CLEC16A: variants seen among roughly 807,000 people sequenced by gnomAD.
CLEC16A encodes the protein protein CLEC16A.
A neutral mutation model predicts 109.5 loss-of-function variants in CLEC16A; 51 were observed. That is an observed-to-expected ratio of 0.47 (90% CI 0.37 to 0.59). The LOEUF is 0.59. Among genes scored for constraint, CLEC16A ranks in the 20% least tolerant of loss-of-function variants. The probability of loss-of-function intolerance (pLI) is 0.00; values close to 1 mark genes in which losing one functional copy is unlikely to be tolerated. For missense variants in CLEC16A, 1,339 were observed against 1,394.0 expected, an observed-to-expected ratio of 0.96 and a Z score of 0.63; for synonymous variants, 673 against 564.2, an observed-to-expected ratio of 1.19 and a Z score of -2.73.
At chr16:11,169,982 C>T (rs1264207065) in intron 23 of CLEC16A, among the ~76,000 whole-genome samples, 1 of 152,154 alleles carries the variant, frequency 6.6e-6, no homozygotes, top group Non-Finnish European at 1.5e-5. Context: ...CACAGGGGCC[C>T]AGAAAGGCTG....
At chr16:10,995,162 A>G (rs2044254295) in intron 10 of CLEC16A, among the ~76,000 whole-genome samples, 1 of 152,234 alleles carries the variant, frequency 6.6e-6, no homozygotes, top group South Asian at 2.1e-4. Flanking sequence ...GGCTGTTATT[A>G]CCTGGAAAGA....
chr16:11,027,939 G>A (rs371846424), intron 13 of CLEC16A, among the ~76,000 whole-genome samples: 14 of 152,334 alleles, frequency 9.2e-5, no homozygotes, highest in East Asian at 7.7e-4. Context: ...TGTGGCTCAC[G>A]CCCGTAATCC....
intron 21 of CLEC16A, among the ~76,000 whole-genome samples, chr16:11,125,126 C>T (rs534100189): frequency 7.9e-5 from 12 of 152,120 alleles, no homozygotes; most frequent in Non-Finnish European, 1.3e-4. Context: ...TGGGCGTTAC[C>T]GATGCGATGA....
chr16:10,989,211 CGTT>C (rs1218840464), intron 10 of CLEC16A, among the ~76,000 whole-genome samples: 2 of 104,944 alleles, frequency 1.9e-5, no homozygotes, highest in African/African-American at 3.5e-5. Flanking sequence ...ATACTGTTGT[CGTT>C]GTTTTTTGTT....
rs200099634 is a variant in CLEC16A at position 11,178,968 on chromosome 16, C to T, written c.*278C>T. The T allele has an allele frequency of 8.8e-5, 34 of 384,580 alleles. No individual in the cohort carries two copies. The highest frequency in any genetic ancestry group is 1.5e-4 in the Non-Finnish European group (32 of 216,308). The allele number at this position is 384,580 out of a possible 1,614,324, so 23.8% of individuals were successfully genotyped here. ...GCCACTCAGGGAGCTGCCTGGGCTC[C>T]GTGTCTCTGAGCCCCGGGTGGCAGG... is the stretch of plus-strand genomic sequence containing the variant. On this transcript the variant is annotated 3_prime_UTR_variant, in exon 24 of 24. Transcript: ENST00000409790. The surrounding 1 kb of genome is among the most constrained non-coding windows in gnomAD (Gnocchi z 6.5).
At chr16:11,099,882 A>C (rs996197177) in intron 19 of CLEC16A, among the ~76,000 whole-genome samples, 10 of 152,140 alleles carry the variant, frequency 6.6e-5, no homozygotes, top group Non-Finnish European at 1.5e-4. Context: ...AGAGGCCCAG[A>C]GCCTGTGCTG....
intron 19 of CLEC16A, among the ~76,000 whole-genome samples, chr16:11,062,311 T>G (rs2152906945): frequency 6.6e-6 from 1 of 152,278 alleles, no homozygotes; most frequent in East Asian, 1.9e-4. Context: ...TATTAAGATA[T>G]AATTTATATA....
chr16:11,144,339 A>C (rs1006502875), intron 22 of CLEC16A, among the ~76,000 whole-genome samples: 1 of 152,202 alleles, frequency 6.6e-6, no homozygotes. Context: ...TCAGCTCAGC[A>C]TAGCCCTTGG....
At chr16:11,017,008 G>C (rs564617679) in intron 11 of CLEC16A, among the ~76,000 whole-genome samples, 2 of 120,368 alleles carry the variant, frequency 1.7e-5, no homozygotes, top group African/African-American at 6.0e-5. Context: ...GGCGGGGGGG[G>C]GGGTGCTCCT....
At chr16:11,015,224 G>A (rs567148064) in intron 11 of CLEC16A, among the ~76,000 whole-genome samples, 10 of 152,328 alleles carry the variant, frequency 6.6e-5, no homozygotes, top group East Asian at 3.9e-4. Flanking sequence ...GATGAGGACT[G>A]TGAGGTGCAG....
intron 14 of CLEC16A, chr16:11,041,326 G>C (rs1316991667): frequency 6.6e-6 from 1 of 152,246 alleles, no homozygotes; most frequent in Non-Finnish European, 1.5e-5. Flanking sequence ...CTGTGTTAGA[G>C]CTCTCTTGGT....
chr16:11,070,714 C>T (rs954370168), intron 19 of CLEC16A: 1 of 152,266 alleles, frequency 6.6e-6, no homozygotes, highest in Admixed American at 6.5e-5. Context: ...TATTATGTGA[C>T]ACCACCTCCC....
intron 12 of CLEC16A, among the ~76,000 whole-genome samples, chr16:11,020,555 ACT>A (rs3217116): frequency 0.5 from 75,483 of 151,910 alleles, 20,179 homozygotes; most frequent in African/African-American, 0.71. Flanking sequence ...GGATAGCGCA[ACT>A]CTCTCCCTGC....
chr16:11,163,420 G>A (rs1393376958), intron 22 of CLEC16A, among the ~76,000 whole-genome samples: 1 of 152,228 alleles, frequency 6.6e-6, no homozygotes, highest in Non-Finnish European at 1.5e-5. Context: ...GGGTGAGGGA[G>A]AGATGTGTTC....
intron 5 of CLEC16A, among the ~76,000 whole-genome samples, chr16:10,972,077 G>T (rs1444178186): frequency 6.6e-6 from 1 of 152,210 alleles, no homozygotes; most frequent in Non-Finnish European, 1.5e-5. Context: ...CTGAGGACCT[G>T]TGGGCCATAT....
chr16:11,181,900 CAATA>C lies in CLEC16A; in HGVS notation c.*3218_*3221del, dbSNP rs1395739161. 6.6e-6 allele frequency: 1 copy of C among 152,650 alleles called. No homozygotes were observed. The highest frequency in any genetic ancestry group is 2.4e-5 in the African/African-American group (1 of 41,442). The allele number at this position is 152,650 out of a possible 1,614,324, so 9.5% of individuals were successfully genotyped here. A position where few individuals can be genotyped will look rare whatever the true frequency, so the allele number is the denominator to read the frequency against. ...TGATTTTGATCTTCTTGTCTAGATG[CAATA>C]AATAAATCTGAAGCATTTAATGTAG... On this transcript the variant is annotated 3_prime_UTR_variant, in exon 24 of 24. Transcript: ENST00000409790.
At chr16:10,991,716 A>C (rs2044026448) in intron 10 of CLEC16A, among the ~76,000 whole-genome samples, 1 of 152,216 alleles carries the variant, frequency 6.6e-6, no homozygotes, top group Non-Finnish European at 1.5e-5. Context: ...ACGGGAATCA[A>C]ACACATATCT....
intron 22 of CLEC16A, among the ~76,000 whole-genome samples, chr16:11,165,735 C>T (rs972195149): frequency 1.3e-5 from 2 of 152,110 alleles, no homozygotes; most frequent in Non-Finnish European, 2.9e-5. Flanking sequence ...CTCGTTCATC[C>T]CCGCTGGGTC....
At chr16:11,039,728 A>T in intron 13 of CLEC16A, 26 bp from the exon 14 acceptor site, 4 of 1,580,836 alleles carry the variant, frequency 2.5e-6, no homozygotes, top group Non-Finnish European at 3.4e-6. Context: ...GGAGGCCTCC[A>T]CTTACATCCT....
Sources: allele counts gnomAD v4.1 joint callset (sites outside exome capture counted in the v4.1 genomes callset), GRCh38; gene constraint gnomAD v4.1.1; non-coding constraint Gnocchi (gnomAD v3.1); transcripts MANE v1.5; gene names NCBI Gene and HGNC (gene_info 2026-07-23, HGNC 2026-07-21).